The following CFB variants were observed in gnomAD, a reference collection of about 807,000 sequenced individuals.
The protein encoded by CFB is complement factor B.
A neutral mutation model predicts 97.2 loss-of-function variants in CFB; 59 were observed. The ratio of observed to expected loss-of-function variants is 0.61; its 90% CI spans 0.49 to 0.75. The LOEUF (loss-of-function observed/expected upper bound fraction) is 0.75. Among genes scored for constraint, CFB ranks in the 30% least tolerant of loss-of-function variants. The pLI is 0.00. For synonymous variants in CFB, 316 were observed against 351.7 expected, an observed-to-expected ratio of 0.90 and a Z score of 1.14; for missense variants, 771 against 959.8, an observed-to-expected ratio of 0.80 and a Z score of 2.60.
chr6:31,946,690 C>T lies in CFB; in HGVS notation c.298+84C>T. On this transcript the variant is annotated intron_variant, in intron 2 of 17. Transcript: ENST00000425368. This position sits in a 1 kb window ranked among gnomAD's most constrained non-coding sequence, Gnocchi z 6.4. The stretch of plus-strand genomic sequence containing the variant: ...AGGTCAGGACTAGGATGAGACTAGG[C>T]AGGGTGACAAGGTGGGCTGACCGGG... The T allele has an allele frequency of 7.6e-7, 1 of 1,313,476 alleles. No homozygotes were observed. The highest frequency in any genetic ancestry group is 1.1e-6 in the Non-Finnish European group (1 of 935,778). 81.4% of individuals were successfully genotyped at this position (1,313,476 alleles called of 1,614,324 possible). A position where few individuals can be genotyped will look rare whatever the true frequency, so the allele number is the denominator to read the frequency against.
In CFB at chr6:31,948,840, G is replaced by C. The variant is rs1263384558; in HGVS notation, c.1047G>C (p.Leu349Phe). ...CTTCCCTCTCCACAGACCACAAGTT[G>C]AAGTCAGGGACTAACACCAAGAAGG... ...LNEINYEDHK[L>F]KSGTNTKKAL... The change falls in exon 8 of 18, where the codon TTG becomes TTC. Residue 349 changes from leucine to phenylalanine, a missense_variant. Leu to Phe is a conservative substitution (Grantham distance 22, BLOSUM62 0). Transcript: ENST00000425368. 6.2e-7 allele frequency: 1 copy of C among 1,613,058 alleles called. No homozygotes were observed.
In CFB at chr6:31,951,088, C is replaced by T. The variant is rs1336283731; in HGVS notation, c.1856-56C>T. The T allele has an allele frequency of 5.7e-6, 9 of 1,592,316 alleles. No individual in the cohort carries two copies. The highest frequency in any genetic ancestry group is 7.7e-6 in the Non-Finnish European group (9 of 1,162,046). On this transcript the variant is annotated intron_variant, in intron 14 of 17. Transcript: ENST00000425368. The surrounding 1 kb of genome is among the most constrained non-coding windows in gnomAD (Gnocchi z 4.3). ...GGGGACATCTACTGAGTGACAAAGG[C>T]AATGGGGAGATGACAGTGGTGGGAG...
In CFB at chr6:31,950,646, A is replaced by T. The variant is rs1440480773; in HGVS notation, c.1652A>T (p.Glu551Val). 7 of 1,613,076 alleles carry T rather than the reference A, an allele frequency of 4.3e-6. No individual in the cohort carries two copies. The highest frequency in any genetic ancestry group is 5.1e-6 in the Non-Finnish European group (6 of 1,180,028). The change falls in exon 13 of 18, where the codon GAA (glutamate) becomes GTA (valine). Residue 551 changes from glutamate to valine, a missense_variant. Transcript: ENST00000425368. ...VGGEKRDLEI[E>V]VVLFHPNYNI... ...GGGGAGAAGCGGGACCTGGAGATAGAAGTAGTCCTATTTCACCCCAACTAC... is the reference window on the plus strand; with the variant it reads ...GGGGAGAAGCGGGACCTGGAGATAGTAGTAGTCCTATTTCACCCCAACTAC...
chr6:31,947,881 G>C lies in CFB; in HGVS notation c.760+38G>C, dbSNP rs139672857. ...AGAAGGGAGGCAGGGCAGGGAACTGGGGGAAAATGGAGAAGGGACAGAACT... is the reference window on the plus strand; with the variant it reads ...AGAAGGGAGGCAGGGCAGGGAACTGCGGGAAAATGGAGAAGGGACAGAACT... On this transcript the variant is annotated intron_variant, in intron 5 of 17. Transcript: ENST00000425368. This position sits in a 1 kb window ranked among gnomAD's most constrained non-coding sequence, Gnocchi z 5.3. 95 of 1,614,126 alleles carry C rather than the reference G, an allele frequency of 5.9e-5. No individual in the cohort carries two copies. In the African/African-American group the frequency reaches 1.1e-3, roughly 19 times the overall value.
At chr6:31,948,301 CAA>C (rs1360385014) in intron 6 of CFB, 71 bp from the exon 7 acceptor site, 8 of 1,604,264 alleles carry the variant, frequency 5.0e-6, no homozygotes, top group Non-Finnish European at 6.8e-6. Flanking sequence ...CCTGTCCCAG[CAA>C]AGTCGCTGAA....
Position 31,951,257 on chromosome 6 carries a change from C to T in CFB, c.1956+13C>T, listed in dbSNP as rs767597363. On this transcript the variant is annotated intron_variant, in intron 15 of 17. Coordinates refer to ENST00000425368, the MANE Select transcript of CFB (RefSeq NM_001710.6). The surrounding 1 kb of genome is among the most constrained non-coding windows in gnomAD (Gnocchi z 4.3). Reference sequence around the variant, plus strand: ...GAATGGGGATAAGGTGAGAAACGGGCATCCTAAGGAGGCACTCTAGGCCCC... The same window carrying T: ...GAATGGGGATAAGGTGAGAAACGGGTATCCTAAGGAGGCACTCTAGGCCCC... 9 of 1,613,082 alleles carry T rather than the reference C, an allele frequency of 5.6e-6. No homozygotes were observed. Among genetic ancestry groups the T allele is most frequent in the Non-Finnish European group, 7.6e-6 (9 of 1,179,864 alleles).
rs1437968243 is a variant in CFB at position 31,950,607 on chromosome 6, C to T, written c.1625-12C>T. On this transcript the variant is annotated splice_polypyrimidine_tract_variant and intron_variant, in intron 12 of 17. Transcript: ENST00000425368. Reference sequence around the variant, plus strand: ...TGCCCACAAAGAGGTGGTACCTACTCTCCTACTTCAGGAGGGGAGAAGCGG... The same window carrying T: ...TGCCCACAAAGAGGTGGTACCTACTTTCCTACTTCAGGAGGGGAGAAGCGG... 2 of 1,612,828 alleles carry T rather than the reference C, an allele frequency of 1.2e-6. No homozygotes were observed. The highest frequency in any genetic ancestry group is 4.5e-5 in the East Asian group (2 of 44,888).
intron 7 of CFB, 121 bp downstream of exon 7, chr6:31,948,633 C>T: frequency 6.5e-7 from 1 of 1,533,520 alleles, no homozygotes. Flanking sequence ...AGTTGAACAG[C>T]AGGATCGTTG....
chr6:31,949,346 T>C lies in CFB; in HGVS notation c.1270+2T>C, dbSNP rs1447254494. The C allele has an allele frequency of 6.2e-7, 1 of 1,614,024 alleles. No individual in the cohort carries two copies. The highest frequency in any genetic ancestry group is 1.3e-5 in the African/African-American group (1 of 74,912). On this transcript the variant is annotated splice_donor_variant, in intron 9 of 17. Transcript: ENST00000425368. LOFTEE classifies it high-confidence loss of function. ...AAAACCCAAGGGAGGATTATCTGGG[T>C]GAGTAACCTGCCTAGGACCCAGCAC...
rs370470408 is a variant in CFB at position 31,951,551 on chromosome 6, G to A, written c.2090-4G>A. 1 of 1,614,160 alleles carries A rather than the reference G, an allele frequency of 6.2e-7. No individual in the cohort carries two copies. Among genetic ancestry groups the A allele is most frequent in the Non-Finnish European group, 8.5e-7 (1 of 1,180,026 alleles). ...TTTCTCTACAGCTTCTCCTCTCCTT[G>A]CAGGTGATTCTGGCGGCCCCTTGAT... On this transcript the variant is annotated splice_region_variant and splice_polypyrimidine_tract_variant and intron_variant, in intron 16 of 17. Transcript: ENST00000425368. The surrounding 1 kb of genome is among the most constrained non-coding windows in gnomAD (Gnocchi z 4.3).
At position 31,949,231 on chromosome 6, in the gene CFB, T is replaced by A; in HGVS notation, c.1169-12T>A. On this transcript the variant is annotated splice_polypyrimidine_tract_variant and intron_variant, in intron 8 of 17. Coordinates refer to ENST00000425368, the MANE Select transcript of CFB (RefSeq NM_001710.6). ...CTTATCTCCTACCCTCATGGTCCTG[T>A]CTCTTCTGCAGGATTGCACAACATG... The A allele has an allele frequency of 6.2e-7, 1 of 1,613,484 alleles. No homozygotes were observed. Among genetic ancestry groups the A allele is most frequent in the South Asian group, 1.1e-5 (1 of 91,052 alleles).
At position 31,949,234 on chromosome 6, in the gene CFB, C is replaced by T. The variant is rs568118496; in HGVS notation, c.1169-9C>T. On this transcript the variant is annotated splice_polypyrimidine_tract_variant and intron_variant, in intron 8 of 17. Coordinates refer to ENST00000425368, the MANE Select transcript of CFB (RefSeq NM_001710.6). ...ATCTCCTACCCTCATGGTCCTGTCT[C>T]TTCTGCAGGATTGCACAACATGGGC... 1 of 1,613,634 alleles carries T rather than the reference C, an allele frequency of 6.2e-7. No individual in the cohort carries two copies. The highest frequency in any genetic ancestry group is 1.3e-5 in the African/African-American group (1 of 75,032).
At position 31,947,489 on chromosome 6, in the gene CFB, G is replaced by C. The variant is rs1328378504; in HGVS notation, c.626G>C (p.Gly209Ala). The C allele has an allele frequency of 6.2e-7, 1 of 1,613,004 alleles. No homozygotes were observed. The change falls in exon 4 of 18, where the codon GGC (glycine) becomes GCC (alanine). Residue 209 changes from glycine (G) to alanine (A), a missense_variant. By Grantham distance (60) the Gly-to-Ala change is moderately conservative. Transcript: ENST00000425368. The surrounding 1 kb of genome is among the most constrained non-coding windows in gnomAD (Gnocchi z 5.3). ...CAGCGGCGAACGTGTCAGGAAGGTG[G>C]CTCTTGGAGCGGGACGGAGCCTTCC... ...GSQRRTCQEG[G>A]SWSGTEPSCQ...
At chr6:31,949,396 T>C (rs771522472) in intron 9 of CFB, 24 bp from the exon 10 acceptor site, 1 of 1,614,248 alleles carries the variant, frequency 6.2e-7, no homozygotes, top group Non-Finnish European at 8.5e-7. Context: ...GCTTGGACCC[T>C]CATCCTTCCT....
rs775416425 is a variant in CFB, at chr6:31,950,416, C to T, written c.1624+13C>T. 8.1e-6 allele frequency: 13 copies of T among 1,607,458 alleles called. No individual in the cohort carries two copies. The Admixed American group carries it at 1.0e-4, about 12-fold the overall frequency. ...AAGGTCAGCGTAGGTAAGGATGCAA[C>T]TGAAGGTCCTGGGCTGCACCTATGC... On this transcript the variant is annotated intron_variant, in intron 12 of 17. Coordinates refer to ENST00000425368, the MANE Select transcript of CFB (RefSeq NM_001710.6).
Position 31,948,369 on chromosome 6 carries a change from C to G in CFB, c.898-5C>G. 1 of 1,614,202 alleles carries G rather than the reference C, an allele frequency of 6.2e-7. No individual in the cohort carries two copies. Among genetic ancestry groups the G allele is most frequent in the Non-Finnish European group, 8.5e-7 (1 of 1,180,034 alleles). On this transcript the variant is annotated splice_polypyrimidine_tract_variant and splice_region_variant and intron_variant, in intron 6 of 17. Coordinates refer to ENST00000425368, the MANE Select transcript of CFB (RefSeq NM_001710.6). ...GCCATGGCGCCTTGTTCTCCTCACCCACAGGTGGCAAGTTATGGTGTGAAG... is the reference window on the plus strand; with the variant it reads ...GCCATGGCGCCTTGTTCTCCTCACCGACAGGTGGCAAGTTATGGTGTGAAG...
chr6:31,949,803 G>T, intron 10 of CFB: 1 of 689,914 alleles, frequency 1.4e-6, no homozygotes, highest in Non-Finnish European at 2.5e-6. Context: ...GCCAAAGGAG[G>T]TCAAGGGACA....
Position 31,947,030 on chromosome 6 carries a change from G to C in CFB, c.322G>C (p.Asp108His), listed in dbSNP as rs865856889. Residue 108 changes from aspartate to histidine, a missense_variant, in exon 3 of 18, where the codon GAC becomes CAC. Coordinates refer to ENST00000425368, the MANE Select transcript of CFB (RefSeq NM_001710.6). This position sits in a 1 kb window ranked among gnomAD's most constrained non-coding sequence, Gnocchi z 5.3. ...AGCAATCCACTGTCCAAGACCACAC[G>C]ACTTCGAGAACGGGGAATACTGGCC... ...CRAIHCPRPHDFENGEYWPRS... is the reference protein window; with the variant it reads ...CRAIHCPRPHHFENGEYWPRS... The C allele has an allele frequency of 6.2e-7, 1 of 1,612,928 alleles. No homozygotes were observed. Among genetic ancestry groups the C allele is most frequent in the African/African-American group, 1.3e-5 (1 of 74,970 alleles).
In CFB at chr6:31,947,290, A is replaced by C; in HGVS notation, c.485-58A>C. On this transcript the variant is annotated intron_variant, in intron 3 of 17. Transcript: ENST00000425368. The surrounding 1 kb of genome is among the most constrained non-coding windows in gnomAD (Gnocchi z 5.3). ...CCGGACACTGTAACTCTTGCTCTCT[A>C]CCTTGCTCACGGGGCCTCAGGCTTC... 2 of 1,611,548 alleles carry C rather than the reference A, an allele frequency of 1.2e-6. No homozygotes were observed. The highest frequency in any genetic ancestry group is 4.5e-5 in the East Asian group (2 of 44,868).
Sources: gnomAD v4.1 joint callset for allele counts on GRCh38, gnomAD v4.1.1 for gene constraint, Gnocchi (gnomAD v3.1) non-coding constraint, MANE v1.5 for transcripts, NCBI Gene and HGNC (gene_info 2026-07-23, HGNC 2026-07-21) for gene names.